ITGA6: variants seen among roughly 807,000 people sequenced by gnomAD.
ITGA6 encodes integrin subunit alpha 6.
In ITGA6, 63 loss-of-function variants were observed where a neutral mutation model predicts 133.6. That is an observed-to-expected ratio of 0.47 (90% CI 0.38 to 0.58). The LOEUF (loss-of-function observed/expected upper bound fraction) is 0.58. ITGA6 is among the 20% of genes least tolerant of loss of function. The probability of loss-of-function intolerance (pLI) is 0.00; values close to 1 mark genes in which losing one functional copy is unlikely to be tolerated. For missense variants in ITGA6, 1,068 were observed against 1,309.4 expected (o/e 0.82, Z 2.85); for synonymous variants, 434 against 482.0 (o/e 0.90, Z 1.30).
chr2:172,427,855 G>A lies in ITGA6; in HGVS notation c.67G>A (p.Ala23Thr). 6.2e-7 allele frequency: 1 copy of A among 1,607,372 alleles called. No homozygotes were observed. Among genetic ancestry groups the A allele is most frequent in the Non-Finnish European group, 8.5e-7 (1 of 1,177,444 alleles). ...SAGLLSRLGA[A>T]FNLDTREDNV... ...GGGGCTCCTGTCCCGGCTCGGCGCA[G>A]CCTTCAACTTGGACACTCGGGAGGA... Residue 23 changes from alanine to threonine, a missense_variant, in exon 1 of 26, where the codon GCC becomes ACC. This residue lies in a region of ITGA6 where 142 missense variants were observed against 145.3 expected (regional missense o/e 0.98). Transcript: ENST00000684293.
chr2:172,433,272 AGT>A (rs1224801448), intron 1 of ITGA6, among the ~76,000 whole-genome samples: 1 of 152,204 alleles, frequency 6.6e-6, no homozygotes, highest in Non-Finnish European at 1.5e-5. Context: ...CTTTTATAAA[AGT>A]GTGATTCTCA....
chr2:172,445,946 A>G (rs1322326323), intron 1 of ITGA6, among the ~76,000 whole-genome samples: 2 of 152,268 alleles, frequency 1.3e-5, no homozygotes, highest in East Asian at 3.8e-4. Flanking sequence ...CACACGTCCT[A>G]TTCAGCAGAA....
At chr2:172,465,390 T>C in intron 1 of ITGA6, 149 bp from the exon 2 acceptor site, 1 of 939,826 alleles carries the variant, frequency 1.1e-6, no homozygotes, top group Non-Finnish European at 1.7e-6. Flanking sequence ...CATAGGACTC[T>C]ACATTTGTTC....
chr2:172,429,896 G>A (rs923392369), intron 1 of ITGA6, among the ~76,000 whole-genome samples: 2 of 152,168 alleles, frequency 1.3e-5, no homozygotes, highest in African/African-American at 4.8e-5. Flanking sequence ...AATAGCATTG[G>A]TCTTCCCAGG....
At chr2:172,431,033 T>C (rs1236209969) in intron 1 of ITGA6, among the ~76,000 whole-genome samples, 1 of 152,170 alleles carries the variant, frequency 6.6e-6, no homozygotes, top group Admixed American at 6.5e-5. Context: ...TGAAGTCATT[T>C]TGGATTTCTG....
At chr2:172,498,835 T>C (rs1687236050) in intron 24 of ITGA6, among the ~76,000 whole-genome samples, 1 of 152,174 alleles carries the variant, frequency 6.6e-6, no homozygotes, top group Non-Finnish European at 1.5e-5. Flanking sequence ...TCCAAAAAGC[T>C]CTGAAACCTT....
At position 172,467,487 on chromosome 2, in the gene ITGA6, C is replaced by G; in HGVS notation, c.314C>G (p.Pro105Arg). 1 of 1,613,126 alleles carries G rather than the reference C, an allele frequency of 6.2e-7. No individual in the cohort carries two copies. Among genetic ancestry groups the G allele is most frequent in the African/African-American group, 1.3e-5 (1 of 75,012 alleles). The part of the protein sequence containing the change: ...TRIEFDNDAD[P>R]TSESKEDQWM... ...ACTATGCTCCTTTCTACAGCTGACC[C>G]CACGTCAGAAAGCAAGGAAGATCAG... The change falls in exon 3 of 26, where the codon CCC (proline) becomes CGC (arginine). Residue 105 changes from proline (P) to arginine (R), a missense_variant. Pro to Arg is a moderately radical substitution (Grantham distance 103, BLOSUM62 -2). Transcript: ENST00000684293.
intron 1 of ITGA6, chr2:172,428,708 A>G (rs1683983955): frequency 6.6e-6 from 1 of 152,224 alleles, no homozygotes; most frequent in Non-Finnish European, 1.5e-5. Context: ...GGGCACAGCC[A>G]AGGGGTTAAA....
chr2:172,470,272 A>G (rs1460260400), intron 4 of ITGA6, among the ~76,000 whole-genome samples: 1 of 152,164 alleles, frequency 6.6e-6, no homozygotes, highest in Non-Finnish European at 1.5e-5. Flanking sequence ...CCCCAACAGA[A>G]TCTTCATGTA....
Position 172,467,557 on chromosome 2 carries a change from C to G in ITGA6, c.384C>G (p.Val128=). ...AGAGCCAAGGTCCAGGGGGCAAGGT[C>G]GTGGTAAGTGTAGAGACACATGTTC... ...TVQSQGPGGK[V]VTCAHRYEKR... is the part of the protein sequence containing the mutation. The change falls in exon 3 of 26, where the codon GTC becomes GTG. Residue 128 remains valine, a synonymous_variant. Transcript: ENST00000684293. 1.9e-6 allele frequency: 3 copies of G among 1,612,112 alleles called. No individual in the cohort carries two copies. Among genetic ancestry groups the G allele is most frequent in the Non-Finnish European group, 2.5e-6 (3 of 1,178,388 alleles).
chr2:172,455,305 T>G (rs1000594488), intron 1 of ITGA6, among the ~76,000 whole-genome samples: 3 of 152,034 alleles, frequency 2.0e-5, no homozygotes, highest in Non-Finnish European at 4.4e-5. Flanking sequence ...CAGTGGAGAG[T>G]GGCTCTTACT....
intron 1 of ITGA6, among the ~76,000 whole-genome samples, chr2:172,445,316 A>T (rs1684712399): frequency 6.7e-6 from 1 of 149,672 alleles, no homozygotes; most frequent in Admixed American, 6.7e-5. Context: ...TCCTATTTCT[A>T]AATCTGTTGT....
At chr2:172,434,049 G>C (rs902527750) in intron 1 of ITGA6, among the ~76,000 whole-genome samples, 5 of 152,144 alleles carry the variant, frequency 3.3e-5, no homozygotes, top group Admixed American at 3.3e-4. Context: ...TCCATCCCTA[G>C]GAGGCTGGAT....
At position 172,487,708 on chromosome 2, in the gene ITGA6, A is replaced by G; in HGVS notation, c.2245-20A>G. ...GTCTGTATGCATGGCCTGTGTTAAC[A>G]GCTATTTATGTTTTTTTAGGTCACT... On this transcript the variant is annotated intron_variant, in intron 16 of 25. Coordinates refer to ENST00000684293, the MANE Select transcript of ITGA6 (RefSeq NM_000210.4). 6.2e-7 allele frequency: 1 copy of G among 1,602,164 alleles called. No individual in the cohort carries two copies. Among genetic ancestry groups the G allele is most frequent in the Non-Finnish European group, 8.6e-7 (1 of 1,169,468 alleles).
intron 23 of ITGA6, among the ~76,000 whole-genome samples, chr2:172,496,714 C>T (rs1687141768): frequency 6.6e-6 from 1 of 152,186 alleles, no homozygotes. Context: ...GATCTCTAAT[C>T]AGTGTAGTTT....
rs758882537 is a variant in ITGA6, at chr2:172,487,810, A to G, written c.2324+3A>G. On this transcript the variant is annotated splice_donor_region_variant and intron_variant, in intron 17 of 25. Transcript: ENST00000684293. The stretch of plus-strand genomic sequence containing the variant: ...GATATTAATCTGAAGTTAGAAACGT[A>G]AGAGTTACATCAACCTCTCCATTCA... 1.8e-5 allele frequency: 28 copies of G among 1,594,432 alleles called. No homozygotes were observed. The highest frequency in any genetic ancestry group is 2.3e-5 in the Non-Finnish European group (27 of 1,162,240).
intron 23 of ITGA6, among the ~76,000 whole-genome samples, chr2:172,494,338 C>A (rs532860287): frequency 1.3e-5 from 2 of 152,072 alleles, no homozygotes; most frequent in Non-Finnish European, 2.9e-5. Flanking sequence ...AAAACCCCAT[C>A]TCTACAAAAA....
chr2:172,427,975 G>C lies in ITGA6; in HGVS notation c.182+5G>C. 6.2e-7 allele frequency: 1 copy of C among 1,602,718 alleles called. No homozygotes were observed. Reference sequence around the variant, plus strand: ...GCAGCCCGAGGACAAGCGGCTGTGAGTTCCCAGACCCTTCCCACCCCCACT... The same window carrying C: ...GCAGCCCGAGGACAAGCGGCTGTGACTTCCCAGACCCTTCCCACCCCCACT... On this transcript the variant is annotated splice_donor_5th_base_variant and intron_variant, in intron 1 of 25. Transcript: ENST00000684293.
intron 1 of ITGA6, among the ~76,000 whole-genome samples, chr2:172,458,994 G>GAAGGA (rs780943985): frequency 4.6e-5 from 7 of 152,110 alleles, no homozygotes; most frequent in African/African-American, 1.4e-4. Flanking sequence ...GAACCACAGA[G>GAAGGA]AAGGAGGGAA....
Sources: allele counts gnomAD v4.1 joint callset (sites outside exome capture counted in the v4.1 genomes callset), GRCh38; gene constraint gnomAD v4.1.1; regional missense constraint gnomAD v4.1.1; transcripts MANE v1.5; gene names NCBI Gene and HGNC (gene_info 2026-07-23, HGNC 2026-07-21).